KANSL1: variants seen among roughly 807,000 people sequenced by gnomAD.
KANSL1 encodes KAT8 regulatory NSL complex subunit 1.
Under a neutral mutation model 103.6 loss-of-function variants are expected in KANSL1, and 22 were observed. The observed-to-expected ratio is 0.21, with a 90% CI of 0.15 to 0.30. KANSL1 has a LOEUF of 0.30. Ranked by LOEUF, KANSL1 falls within the 10% of genes least tolerant of loss-of-function variation. KANSL1 has a pLI of 1.00. For missense variants in KANSL1, 1,337 were observed against 1,399.8 expected, an observed-to-expected ratio of 0.96 and a Z score of 0.72; for synonymous variants, 600 against 527.6, an observed-to-expected ratio of 1.14 and a Z score of -1.88.
In KANSL1 at chr17:46,144,795, G is replaced by A. The variant is rs533016831; in HGVS notation, c.1289+26060C>T. Reference sequence around the variant, plus strand: ...ACAAATGATGATGACACTGCCCTTAGCTTTCTATGTGCAAAGACAGTATTA... The same window carrying A: ...ACAAATGATGATGACACTGCCCTTAACTTTCTATGTGCAAAGACAGTATTA... On this transcript the variant is annotated intron_variant, in intron 2 of 14. Transcript: ENST00000432791. Among the ~76,000 whole-genome samples the A allele has an allele frequency of 2.6e-5, 4 of 152,318 alleles. No individual in the cohort carries two copies. In the South Asian group the frequency reaches 8.3e-4, roughly 32 times the overall value.
rs1043599061 is a variant in KANSL1 at position 46,037,220 on chromosome 17, A to C, written c.2541+1318T>G. 5.3e-5 allele frequency: 8 copies of C among 152,344 alleles called. No homozygotes were observed. The East Asian group carries it at 1.5e-3, about 29-fold the overall frequency. The allele number at this position is 152,344 out of a possible 1,614,324, so 9.4% of individuals were successfully genotyped here. On this transcript the variant is annotated intron_variant, in intron 10 of 14. Coordinates refer to ENST00000432791, the MANE Select transcript of KANSL1 (RefSeq NM_015443.4). ...TCTCTGAGTTCAGATTTTCTATCAGAATTAGTTTAGACTCTTTTTTATAAA... is the reference window on the plus strand; with the variant it reads ...TCTCTGAGTTCAGATTTTCTATCAGCATTAGTTTAGACTCTTTTTTATAAA...
rs377357793 is a variant in KANSL1 at position 46,106,446 on chromosome 17, A to G, written c.1290-11745T>C. Reference sequence around the variant, plus strand: ...CTCGCTCTTTCGCCCAGGCTGGAGTACAGTGGTGCGATCTCGGCTCACTGC... The same window carrying G: ...CTCGCTCTTTCGCCCAGGCTGGAGTGCAGTGGTGCGATCTCGGCTCACTGC... On this transcript the variant is annotated intron_variant, in intron 2 of 14. Coordinates refer to ENST00000432791, the MANE Select transcript of KANSL1 (RefSeq NM_015443.4). 1.5e-3 allele frequency among the ~76,000 whole-genome samples: 236 copies of G among 152,282 alleles called. 1 individual carries two copies. Among genetic ancestry groups the G allele is most frequent in the African/African-American group, 5.3e-3 (220 of 41,534 alleles).
At chr17:46,092,715 T>TTTTTG (rs1568438853) in intron 3 of KANSL1, among the ~76,000 whole-genome samples, 1 of 21,618 alleles carries the variant, frequency 4.6e-5, no homozygotes, top group African/African-American at 3.4e-4. Flanking sequence ...TTTTTTTTTT[T>TTTTTG]GGGGGGGGGG....
chr17:46,184,251 G>A (rs1296010687), intron 1 of KANSL1, among the ~76,000 whole-genome samples: 1 of 152,104 alleles, frequency 6.6e-6, no homozygotes, highest in Non-Finnish European at 1.5e-5. Context: ...GAAAGGTGAG[G>A]TGGTGCACAG....
Position 46,204,047 on chromosome 17 carries a change from T to C in KANSL1, c.-90+19624A>G, listed in dbSNP as rs1444416106. On this transcript the variant is annotated intron_variant, in intron 1 of 14. Transcript: ENST00000572904. The stretch of plus-strand genomic sequence containing the variant: ...CAGGGGAAGGCAACCAAGCTGGGTG[T>C]GCCATGTGCCTCTAGTCCCAGCTAC... 2.6e-5 allele frequency among the ~76,000 whole-genome samples: 4 copies of C among 152,274 alleles called. No homozygotes were observed. In the South Asian group the frequency reaches 8.3e-4, roughly 32 times the overall value.
At chr17:46,033,364 T>C (rs751132067) in intron 12 of KANSL1, 39 bp downstream of exon 12, 2 of 1,591,152 alleles carry the variant, frequency 1.3e-6, no homozygotes, top group Admixed American at 3.3e-5. Context: ...TGTGCATGTG[T>C]ACACACGTGT....
intron 1 of KANSL1, among the ~76,000 whole-genome samples, chr17:46,190,519 C>A (rs1411313879): frequency 6.6e-6 from 1 of 152,214 alleles, no homozygotes; most frequent in East Asian, 1.9e-4. Context: ...ATGGAAAGAC[C>A]GAAAATCCCA....
At chr17:46,206,002 A>C (rs2047955399) in intron 1 of KANSL1, among the ~76,000 whole-genome samples, 1 of 147,686 alleles carries the variant, frequency 6.8e-6, no homozygotes, top group Non-Finnish European at 1.5e-5. Flanking sequence ...ACTTGAGCCT[A>C]GTAGGTTACA....
In KANSL1 at chr17:46,038,618, G is replaced by C. The variant is rs752702501; in HGVS notation, c.2461C>G (p.Pro821Ala). 3 of 1,614,168 alleles carry C rather than the reference G, an allele frequency of 1.9e-6. No individual in the cohort carries two copies. The highest frequency in any genetic ancestry group is 2.5e-6 in the Non-Finnish European group (3 of 1,180,024). The change falls in exon 10 of 15, where the codon CCC (proline) becomes GCC (alanine). Residue 821 changes from proline to alanine, a missense_variant. Coordinates refer to ENST00000432791, the MANE Select transcript of KANSL1 (RefSeq NM_015443.4). Reference protein sequence around the residue: ...LAATHHPPHSPLVRQLSTSSD... With the variant: ...LAATHHPPHSALVRQLSTSSD... Reference sequence around the variant, plus strand: ...GAGGTGGAGAGCTGTCGCACCAAGGGACTGTGTGGAGGATGGTGGGTGGCT... The same window carrying C: ...GAGGTGGAGAGCTGTCGCACCAAGGCACTGTGTGGAGGATGGTGGGTGGCT...
intron 6 of KANSL1, among the ~76,000 whole-genome samples, chr17:46,062,867 C>T (rs1028144651): frequency 5.3e-5 from 8 of 151,432 alleles, no homozygotes; most frequent in African/African-American, 1.9e-4. Flanking sequence ...CTGGCCAACA[C>T]GGTGAAACCT....
intron 1 of KANSL1, among the ~76,000 whole-genome samples, chr17:46,200,170 T>C (rs1357830797): frequency 6.6e-6 from 1 of 152,190 alleles, no homozygotes; most frequent in East Asian, 1.9e-4. Flanking sequence ...TGACCAAACA[T>C]AGAAGGAGTA....
intron 6 of KANSL1, among the ~76,000 whole-genome samples, chr17:46,062,301 T>G (rs1186788265): frequency 6.7e-6 from 1 of 149,722 alleles, no homozygotes; most frequent in Non-Finnish European, 1.5e-5. Flanking sequence ...TTTAACTTAC[T>G]GAACACTTTG....
intron 1 of KANSL1, among the ~76,000 whole-genome samples, chr17:46,186,889 A>G (rs2047061087): frequency 1.3e-5 from 2 of 150,180 alleles, no homozygotes; most frequent in Non-Finnish European, 2.9e-5. Context: ...CACCATGTCC[A>G]GCTAATTTTT....
chr17:46,164,260 T>C (rs1167175159), intron 2 of KANSL1, among the ~76,000 whole-genome samples: 2 of 152,244 alleles, frequency 1.3e-5, no homozygotes, highest in South Asian at 2.1e-4. Flanking sequence ...ATATCTACGG[T>C]AAATGGGTAA....
rs536129815 is a variant in KANSL1 at position 46,166,193 on chromosome 17, G to A, written c.1289+4662C>T. ...ATGCCACTGTAACTCTAGCCTGGGC[G>A]ACAGAGTGAGACTCTGTCTCAAAAA... On this transcript the variant is annotated intron_variant, in intron 2 of 14. Coordinates refer to ENST00000432791, the MANE Select transcript of KANSL1 (RefSeq NM_015443.4). Among the ~76,000 whole-genome samples the A allele has an allele frequency of 1.9e-4, 24 of 128,582 alleles. No individual in the cohort carries two copies. In the East Asian group the frequency reaches 5.2e-3, roughly 28 times the overall value. 84.4% of individuals were successfully genotyped at this position (128,582 alleles called of 152,430 possible).
At chr17:46,149,871 A>T (rs1000232456) in intron 2 of KANSL1, among the ~76,000 whole-genome samples, 2 of 151,714 alleles carry the variant, frequency 1.3e-5, no homozygotes, top group Non-Finnish European at 2.9e-5. Flanking sequence ...AAAAAAAAAA[A>T]ATTAGCCGGG....
intron 4 of KANSL1, among the ~76,000 whole-genome samples, chr17:46,078,062 C>T (rs2078851534): frequency 6.6e-6 from 1 of 152,006 alleles, no homozygotes; most frequent in Non-Finnish European, 1.5e-5. Flanking sequence ...TTAGCTTTTC[C>T]TAAAGAGTGT....
Position 46,171,648 on chromosome 17 carries a change from T to C in KANSL1, c.496A>G (p.Thr166Ala), listed in dbSNP as rs778413024. The change falls in exon 2 of 15, where the codon ACA (threonine) becomes GCA (alanine). Residue 166 changes from threonine (T) to alanine (A), a missense_variant. Coordinates refer to ENST00000432791, the MANE Select transcript of KANSL1 (RefSeq NM_015443.4). Reference protein sequence around the residue: ...GLAKKLTKSSTHSDHDNSTSL... With the variant: ...GLAKKLTKSSAHSDHDNSTSL... Reference sequence around the variant, plus strand: ...GTGGAATTGTCATGATCAGAATGTGTTGAACTTTTAGTCAATTTCTTAGCC... The same window carrying C: ...GTGGAATTGTCATGATCAGAATGTGCTGAACTTTTAGTCAATTTCTTAGCC... The C allele has an allele frequency of 5.8e-6, 9 of 1,556,654 alleles. No individual in the cohort carries two copies. In the East Asian group the frequency reaches 1.6e-4, roughly 27 times the overall value.
rs200079769 is a variant in KANSL1 at position 46,172,178 on chromosome 17, G to A, written c.-35C>T. ...AGAGACAGGAAGTCCAGCCTCTCCC[G>A]ATGCCGAGGCCGAGGCCAGCTCCAC... On this transcript the variant is annotated 5_prime_UTR_variant, in exon 2 of 15. Coordinates refer to ENST00000432791, the MANE Select transcript of KANSL1 (RefSeq NM_015443.4). 344 of 1,582,996 alleles carry A rather than the reference G, an allele frequency of 2.2e-4. No individual in the cohort carries two copies. Among genetic ancestry groups the A allele is most frequent in the Middle Eastern group, 1.1e-3 (5 of 4,590 alleles).
Sources: allele counts gnomAD v4.1 joint callset (sites outside exome capture counted in the v4.1 genomes callset), GRCh38; gene constraint gnomAD v4.1.1; transcripts MANE v1.5; gene names NCBI Gene and HGNC (gene_info 2026-07-23, HGNC 2026-07-21).